The following PLCG2 variants were observed in gnomAD, a reference collection of about 807,000 sequenced individuals.
PLCG2 encodes 1-phosphatidylinositol 4,5-bisphosphate phosphodiesterase gamma-2.
PLCG2 carries 69 observed loss-of-function variants against 175.6 expected under a neutral mutation model. The ratio of observed to expected loss-of-function variants is 0.39; its 90% CI spans 0.32 to 0.48. The LOEUF (loss-of-function observed/expected upper bound fraction) is 0.48. Ranked by LOEUF, PLCG2 falls within the 20% of genes least tolerant of loss-of-function variation. The probability of loss-of-function intolerance (pLI) is 0.91; values close to 1 mark genes in which losing one functional copy is unlikely to be tolerated. For synonymous variants in PLCG2, 827 were observed against 624.0 expected, an observed-to-expected ratio of 1.33 and a Z score of -4.85; for missense variants, 1,798 against 1,650.9, an observed-to-expected ratio of 1.09 and a Z score of -1.54.
rs1479649669 is a variant in PLCG2, at chr16:81,755,968, T to C, written c.-48+2T>C. On this transcript the variant is annotated splice_donor_variant, in intron 2 of 5. Transcript: ENST00000565054. LOFTEE classifies it low-confidence loss of function (5UTR_SPLICE). ...CGGTCCTTTCCCTGCTGCCCCCAGG[T>C]AAGCACATGGCCTCCAATCTGTCCT... is the stretch of plus-strand genomic sequence containing the variant. 2.0e-5 allele frequency: 3 copies of C among 152,500 alleles called. No homozygotes were observed. Among genetic ancestry groups the C allele is most frequent in the Non-Finnish European group, 4.4e-5 (3 of 68,140 alleles). The allele number at this position is 152,500 out of a possible 1,614,324, so 9.4% of individuals were successfully genotyped here. A position where few individuals can be genotyped will look rare whatever the true frequency, so the allele number is the denominator to read the frequency against.
chr16:81,829,201 C>G (rs559986554), intron 2 of PLCG2, among the ~76,000 whole-genome samples: 5 of 152,240 alleles, frequency 3.3e-5, no homozygotes, highest in Admixed American at 6.5e-5. Flanking sequence ...CTCTGTCTTC[C>G]GGGTTCAAGC....
chr16:81,858,959 G>A (rs1426143040), intron 4 of PLCG2, among the ~76,000 whole-genome samples, 157 bp from the exon 5 acceptor site: 1 of 152,190 alleles, frequency 6.6e-6, no homozygotes, highest in African/African-American at 2.4e-5. Context: ...TCCACACTAG[G>A]AGGAAACTGC....
intron 14 of PLCG2, among the ~76,000 whole-genome samples, chr16:81,901,433 G>A (rs1200422745): frequency 6.6e-6 from 1 of 152,240 alleles, no homozygotes; most frequent in Non-Finnish European, 1.5e-5. Context: ...AGAATGTTCT[G>A]TGAGTTTTGA....
rs537297766 is a variant in PLCG2 at position 81,959,770 on chromosome 16, T to C, written c.*1772T>C. On this transcript the variant is annotated 3_prime_UTR_variant, in exon 33 of 33. Transcript: ENST00000564138. ...AGGGCCCCATTAGCCTTTGGCCAGG[T>C]AGCCACCAGAACCTATTTATTGCAC... is the stretch of plus-strand genomic sequence containing the variant. The C allele has an allele frequency of 3.4e-3, 629 of 184,694 alleles. 1 individual carries two copies. The highest frequency in any genetic ancestry group is 4.7e-3 in the Non-Finnish European group (409 of 87,106). The allele number at this position is 184,694 out of a possible 1,614,324, so 11.4% of individuals were successfully genotyped here.
chr16:81,897,093 G>C (rs778520292), intron 13 of PLCG2, among the ~76,000 whole-genome samples: 1 of 152,218 alleles, frequency 6.6e-6, no homozygotes, highest in Non-Finnish European at 1.5e-5. Flanking sequence ...GTAAACACAT[G>C]AGTCTGGCTG....
At chr16:81,940,173 T>G (rs1910881204) in intron 30 of PLCG2, 114 bp downstream of exon 30, 2 of 906,062 alleles carry the variant, frequency 2.2e-6, no homozygotes, top group East Asian at 5.0e-5. Flanking sequence ...GGAATCACTG[T>G]AAAACCGATT....
At position 81,960,731 on chromosome 16, in the gene PLCG2, G is replaced by A. The variant is rs994076115; in HGVS notation, c.*2733G>A. 9 of 228,506 alleles carry A rather than the reference G, an allele frequency of 3.9e-5. No individual in the cohort carries two copies. The highest frequency in any genetic ancestry group is 1.9e-4 in the East Asian group (3 of 16,004). The allele number at this position is 228,506 out of a possible 1,614,324, so 14.2% of individuals were successfully genotyped here. A position where few individuals can be genotyped will look rare whatever the true frequency, so the allele number is the denominator to read the frequency against. ...GCCGGACAACATGTTCTAATACTTC[G>A]TATGCTTTGTGACCTAGTTAAAATC... On this transcript the variant is annotated 3_prime_UTR_variant, in exon 33 of 33. Transcript: ENST00000564138.
intron 22 of PLCG2, among the ~76,000 whole-genome samples, chr16:81,926,110 G>C (rs1910261880): frequency 6.6e-6 from 1 of 152,150 alleles, no homozygotes; most frequent in African/African-American, 2.4e-5. Context: ...TGGGTACCAA[G>C]GGCATGGGCC....
intron 19 of PLCG2, among the ~76,000 whole-genome samples, chr16:81,917,040 C>T (rs754562010): frequency 2.6e-5 from 4 of 152,124 alleles, no homozygotes; most frequent in Non-Finnish European, 5.9e-5. Context: ...AACATATCCC[C>T]AACACTCCCT....
At chr16:81,847,207 A>G (rs1043621644) in intron 2 of PLCG2, among the ~76,000 whole-genome samples, 6 of 152,232 alleles carry the variant, frequency 3.9e-5, no homozygotes, top group African/African-American at 1.4e-4. Flanking sequence ...TACAAAAGAT[A>G]AAGATGATCA....
At chr16:81,910,436 G>T (rs148698170) in intron 17 of PLCG2, 84 bp from the exon 18 acceptor site, 4 of 1,223,918 alleles carry the variant, frequency 3.3e-6, no homozygotes, top group Non-Finnish European at 4.8e-6. Flanking sequence ...GTGGCCACAT[G>T]TAATGTCCCC....
intron 2 of PLCG2, among the ~76,000 whole-genome samples, chr16:81,759,454 C>T (rs1336573429): frequency 6.6e-6 from 1 of 152,164 alleles, no homozygotes; most frequent in Non-Finnish European, 1.5e-5. Context: ...TGCACTGCTG[C>T]AGAATTCTAA....
Position 81,919,792 on chromosome 16 carries a change from C to T in PLCG2, c.2235+128C>T, listed in dbSNP as rs148236401. ...GATACTGCTGTAGGTCCTGGGGATACAAATTGAGCACAACAAAGACCCTGC... is the reference window on the plus strand; with the variant it reads ...GATACTGCTGTAGGTCCTGGGGATATAAATTGAGCACAACAAAGACCCTGC... On this transcript the variant is annotated intron_variant, in intron 20 of 32. Transcript: ENST00000564138. 4.0e-4 allele frequency: 288 copies of T among 719,042 alleles called. No individual in the cohort carries two copies. In the African/African-American group the frequency reaches 4.7e-3, roughly 12 times the overall value. The allele number at this position is 719,042 out of a possible 1,614,324, so 44.5% of individuals were successfully genotyped here.
chr16:81,852,883 G>A (rs927698202), intron 2 of PLCG2, among the ~76,000 whole-genome samples: 1 of 152,152 alleles, frequency 6.6e-6, no homozygotes, highest in African/African-American at 2.4e-5. Context: ...GCTCAGCTGG[G>A]CTGTTGGCTG....
chr16:81,843,686 C>G (rs954220153), intron 2 of PLCG2, among the ~76,000 whole-genome samples: 4 of 152,178 alleles, frequency 2.6e-5, no homozygotes, highest in African/African-American at 9.7e-5. Flanking sequence ...TTAGGATATT[C>G]TTCTATCCTC....
intron 18 of PLCG2, 55 bp downstream of exon 18, chr16:81,910,775 G>C: frequency 6.6e-7 from 1 of 1,519,298 alleles, no homozygotes; most frequent in Non-Finnish European, 9.0e-7. Context: ...AGCTCCACCA[G>C]GCAGAGAAGC....
chr16:81,829,904 A>G (rs1905193645), intron 2 of PLCG2, among the ~76,000 whole-genome samples: 1 of 150,042 alleles, frequency 6.7e-6, no homozygotes, highest in African/African-American at 2.5e-5. Flanking sequence ...GTGAGTGCCA[A>G]ATCGCTCTCT....
intron 2 of PLCG2, among the ~76,000 whole-genome samples, chr16:81,765,625 G>A (rs1366321944): frequency 2.0e-5 from 3 of 152,120 alleles, no homozygotes; most frequent in Non-Finnish European, 2.9e-5. Context: ...AGTGAGACTC[G>A]GTCTCAATAA....
In PLCG2 at chr16:81,891,481, T is replaced by C. The variant is rs1013353935; in HGVS notation, c.877T>C (p.Tyr293His). The change falls in exon 11 of 33, where the codon TAC (tyrosine) becomes CAC (histidine). Residue 293 changes from tyrosine to histidine, a missense_variant. Transcript: ENST00000564138. ...PFLFVDEFLT[Y>H]LFSRENSIWD... is the part of the protein sequence containing the mutation. ...TGTTTGACTCTTTTAGTTCCTCACG[T>C]ACCTGTTTTCACGAGAAAACAGCAT... The C allele has an allele frequency of 6.3e-7, 1 of 1,579,466 alleles. No homozygotes were observed. Among genetic ancestry groups the C allele is most frequent in the African/African-American group, 1.3e-5 (1 of 74,260 alleles).
Sources: gnomAD v4.1 joint callset for allele counts (sites outside exome capture counted in the v4.1 genomes callset) on GRCh38, gnomAD v4.1.1 for gene constraint, MANE v1.5 for transcripts, NCBI Gene and HGNC (gene_info 2026-07-23, HGNC 2026-07-21) for gene names.